The following FYTTD1 variants were observed in gnomAD, a reference collection of about 807,000 sequenced individuals.
FYTTD1 encodes the protein UAP56-interacting factor.
In FYTTD1, 22 loss-of-function variants were observed where a neutral mutation model predicts 40.9. The ratio of observed to expected loss-of-function variants is 0.54; its 90% CI spans 0.38 to 0.77. The LOEUF is 0.77. FYTTD1 is among the 30% of genes least tolerant of loss of function. The pLI is 0.00. For synonymous variants in FYTTD1, 140 were observed against 137.9 expected, an observed-to-expected ratio of 1.01 and a Z score of -0.10; for missense variants, 351 against 392.2, an observed-to-expected ratio of 0.90 and a Z score of 0.89.
At chr3:197,758,964 A>G (rs1259103168) in intron 2 of FYTTD1, among the ~76,000 whole-genome samples, 1 of 152,246 alleles carries the variant, frequency 6.6e-6, no homozygotes, top group Non-Finnish European at 1.5e-5. Context: ...CACTCAGTAA[A>G]TACTTGGAGA....
At chr3:197,774,301 T>A in intron 6 of FYTTD1, 91 bp downstream of exon 6, 2 of 1,067,332 alleles carry the variant, frequency 1.9e-6, no homozygotes, top group Non-Finnish European at 1.4e-6. Flanking sequence ...CAGAAGAAAT[T>A]AATTGAAACC....
chr3:197,770,208 T>A lies in FYTTD1; in HGVS notation c.461T>A (p.Val154Glu), dbSNP rs767735262. The change falls in exon 4 of 9, where the codon GTA becomes GAA. Residue 154 changes from valine (V) to glutamate (E), a missense_variant. Coordinates refer to ENST00000241502, the MANE Select transcript of FYTTD1 (RefSeq NM_032288.7). ...LRQNEGQRKP[V>E]AVLKRPSQLS... ...CAAAATGAAGGGCAGAGGAAACCAG[T>A]AGCAGTTCTCAAGAGACCTAGCCAG... 1 of 1,612,564 alleles carries A rather than the reference T, an allele frequency of 6.2e-7. No individual in the cohort carries two copies. Among genetic ancestry groups the A allele is most frequent in the East Asian group, 2.2e-5 (1 of 44,858 alleles).
rs373794367 is a variant in FYTTD1, at chr3:197,750,093, C to T, written c.103+19C>T. 1.8e-5 allele frequency: 28 copies of T among 1,542,778 alleles called. No homozygotes were observed. Among genetic ancestry groups the T allele is most frequent in the Non-Finnish European group, 2.0e-5 (23 of 1,140,330 alleles). On this transcript the variant is annotated intron_variant, in intron 1 of 8. Transcript: ENST00000241502. ...TCTTTGGGTGAGGGGCCGAGTTGGA[C>T]CGAGTTGGAGTGCGGGGGAGGGCGC...
rs6794391 is a variant in FYTTD1 at position 197,756,408 on chromosome 3, A to G, written c.104-18A>G. 1,357,035 of 1,563,964 alleles carry G rather than the reference A, an allele frequency of 0.87. 589,744 individuals carry two copies. The highest frequency in any genetic ancestry group is 1 in the East Asian group (44,511 of 44,604). On this transcript the variant is annotated intron_variant, in intron 1 of 8. Transcript: ENST00000241502. ...AGTTAAGTTAAAATGAAAATAATTGACATTTCCTCTATCATAGATGATATC... is the reference window on the plus strand; with the variant it reads ...AGTTAAGTTAAAATGAAAATAATTGGCATTTCCTCTATCATAGATGATATC...
chr3:197,768,415 T>C, intron 2 of FYTTD1, 24 bp from the exon 3 acceptor site: 1 of 1,531,150 alleles, frequency 6.5e-7, no homozygotes, highest in Non-Finnish European at 8.8e-7. Context: ...ATTGACATTT[T>C]CTTCTGTTTT....
intron 8 of FYTTD1, among the ~76,000 whole-genome samples, chr3:197,779,286 A>C (rs1729957964): frequency 2.0e-5 from 3 of 152,006 alleles, no homozygotes; most frequent in Non-Finnish European, 4.4e-5. Context: ...GTGGTGGCTC[A>C]TGCCTGTAAT....
At chr3:197,770,045 T>C in intron 3 of FYTTD1, 87 bp from the exon 4 acceptor site, 1 of 770,960 alleles carries the variant, frequency 1.3e-6, no homozygotes, top group South Asian at 1.7e-5. Flanking sequence ...TTGTCAATCC[T>C]TGTTCATTCT....
chr3:197,769,364 G>A (rs1016323494), intron 3 of FYTTD1, among the ~76,000 whole-genome samples: 1 of 152,252 alleles, frequency 6.6e-6, no homozygotes, highest in African/African-American at 2.4e-5. Context: ...GGGATTAAAG[G>A]CGTAAGCCAC....
chr3:197,778,023 TTAA>T (rs1423853095), intron 7 of FYTTD1, among the ~76,000 whole-genome samples: 11 of 152,354 alleles, frequency 7.2e-5, no homozygotes, highest in African/African-American at 2.6e-4. Flanking sequence ...TCCAGCCATC[TTAA>T]TGATTGAAAT....
rs184683742 is a variant in FYTTD1, at chr3:197,768,887, G to A, written c.384+300G>A. Among the ~76,000 whole-genome samples, 12 of 151,926 alleles carry A rather than the reference G, an allele frequency of 7.9e-5. 1 individual carries two copies. Among genetic ancestry groups the A allele is most frequent in the Admixed American group, 7.9e-4 (12 of 15,246 alleles). On this transcript the variant is annotated intron_variant, in intron 3 of 8. Transcript: ENST00000241502. ...GGCTCACTGCAATGTCCACCTCCCA[G>A]GTTCAAGCAGTTCTCCTGCCTCAGC...
At chr3:197,762,901 A>G (rs1279552358) in intron 2 of FYTTD1, among the ~76,000 whole-genome samples, 3 of 151,598 alleles carry the variant, frequency 2.0e-5, no homozygotes, top group Admixed American at 6.6e-5. Flanking sequence ...AAACTAGTGG[A>G]TACTAGGCTT....
intron 2 of FYTTD1, among the ~76,000 whole-genome samples, chr3:197,762,605 G>T (rs562861293): frequency 7.0e-6 from 1 of 143,502 alleles, no homozygotes; most frequent in Non-Finnish European, 1.5e-5. Context: ...AAAAAAGGCC[G>T]GGCGCGGTGG....
At chr3:197,774,784 A>G (rs923159984) in intron 6 of FYTTD1, among the ~76,000 whole-genome samples, 1 of 151,594 alleles carries the variant, frequency 6.6e-6, no homozygotes, top group African/African-American at 2.4e-5. Context: ...GCCAGTGCAC[A>G]CCATCCTGAG....
At chr3:197,780,041 CCACCACACCTGGGGATGCAGGCACACA>C (rs1729985980) in intron 8 of FYTTD1, among the ~76,000 whole-genome samples, 1 of 142,572 alleles carries the variant, frequency 7.0e-6, no homozygotes, top group Non-Finnish European at 1.5e-5. Flanking sequence ...CAGGCACACA[CCACCACACCTGGGGATGCAGGCACACA>C]CACCACACCT....
chr3:197,782,015 T>A lies in FYTTD1; in HGVS notation c.*106T>A. 2.0e-6 allele frequency: 1 copy of A among 502,354 alleles called. No homozygotes were observed. Among genetic ancestry groups the A allele is most frequent in the Non-Finnish European group, 3.5e-6 (1 of 289,018 alleles). The allele number at this position is 502,354 out of a possible 1,614,324, so 31.1% of individuals were successfully genotyped here. On this transcript the variant is annotated 3_prime_UTR_variant, in exon 9 of 9. Transcript: ENST00000241502. ...CTTTACTTCAAAATATTCACAAGGC[T>A]AAATAACTCTTATTTTTATTTTTGA...
intron 2 of FYTTD1, among the ~76,000 whole-genome samples, chr3:197,765,630 G>A (rs1007986146): frequency 1.7e-4 from 26 of 152,080 alleles, no homozygotes; most frequent in African/African-American, 6.0e-4. Context: ...GGGAAGTTGA[G>A]GCAGGCAGAT....
intron 1 of FYTTD1, among the ~76,000 whole-genome samples, chr3:197,751,474 C>G (rs1234253868): frequency 6.6e-6 from 1 of 152,132 alleles, no homozygotes; most frequent in Non-Finnish European, 1.5e-5. Flanking sequence ...GGTGAAATCC[C>G]ATGTCTACTA....
At chr3:197,751,175 T>G (rs1452215351) in intron 1 of FYTTD1, among the ~76,000 whole-genome samples, 1 of 152,226 alleles carries the variant, frequency 6.6e-6, no homozygotes, top group East Asian at 1.9e-4. Context: ...GTCTTGTGTG[T>G]CTTTTGTTGT....
At position 197,781,968 on chromosome 3, in the gene FYTTD1, TTCA is replaced by T; in HGVS notation, c.*63_*65del. The T allele has an allele frequency of 1.0e-6, 1 of 974,674 alleles. No homozygotes were observed. The highest frequency in any genetic ancestry group is 2.1e-5 in the South Asian group (1 of 47,984). The allele number at this position is 974,674 out of a possible 1,614,324, so 60.4% of individuals were successfully genotyped here. A position where few individuals can be genotyped will look rare whatever the true frequency, so the allele number is the denominator to read the frequency against. ...CTGAGAAGTTGAATTGCTTGAAGAG[TTCA>T]TCACGGAAATTCAAGAAACTTTACT... On this transcript the variant is annotated 3_prime_UTR_variant, in exon 9 of 9. Coordinates refer to ENST00000241502, the MANE Select transcript of FYTTD1 (RefSeq NM_032288.7).
Sources: allele counts gnomAD v4.1 joint callset (sites outside exome capture counted in the v4.1 genomes callset), GRCh38; gene constraint gnomAD v4.1.1; transcripts MANE v1.5; gene names NCBI Gene and HGNC (gene_info 2026-07-23, HGNC 2026-07-21).